The following DLGAP1 variants were observed in gnomAD, a reference collection of about 807,000 sequenced individuals.
The protein encoded by DLGAP1 is DLG associated protein 1, also known as disks large-associated protein 1.
A neutral mutation model predicts 90.8 loss-of-function variants in DLGAP1; 11 were observed. That is an observed-to-expected ratio of 0.12 (90% CI 0.08 to 0.20). The LOEUF (loss-of-function observed/expected upper bound fraction) is 0.20, where lower values mean the gene tolerates loss of function less well. DLGAP1 is among the 10% of genes least tolerant of loss of function. DLGAP1 has a pLI of 1.00. For synonymous variants in DLGAP1, 558 were observed against 540.7 expected, an observed-to-expected ratio of 1.03 and a Z score of -0.44; for missense variants, 1,050 against 1,333.8, an observed-to-expected ratio of 0.79 and a Z score of 3.31.
intron 1 of DLGAP1, among the ~76,000 whole-genome samples, chr18:4,269,439 T>C (rs34775892): frequency 0.073 from 11,087 of 151,162 alleles, 598 homozygotes; most frequent in Non-Finnish European, 0.12. Flanking sequence ...CTGCAAGCTC[T>C]GCCTGCCGGG....
At chr18:4,250,002 C>G (rs56806038) in intron 1 of DLGAP1, among the ~76,000 whole-genome samples, 3,182 of 152,288 alleles carry the variant, frequency 0.021, 104 homozygotes, top group African/African-American at 0.072. Flanking sequence ...TTCAGCCATG[C>G]ATCTTTGGGT....
intron 1 of DLGAP1, among the ~76,000 whole-genome samples, chr18:4,254,968 T>C (rs1041523764): frequency 6.6e-6 from 1 of 152,202 alleles, no homozygotes; most frequent in African/African-American, 2.4e-5. Context: ...GAAGACACGC[T>C]GAGCCTTGAA....
chr18:3,525,227 A>T (rs2051539956), intron 10 of DLGAP1, among the ~76,000 whole-genome samples: 1 of 152,184 alleles, frequency 6.6e-6, no homozygotes. Context: ...TCTTTGGATC[A>T]ATATCTTGAC....
chr18:3,808,666 G>A (rs1002652467), intron 5 of DLGAP1, among the ~76,000 whole-genome samples: 1 of 152,086 alleles, frequency 6.6e-6, no homozygotes, highest in Non-Finnish European at 1.5e-5. Flanking sequence ...AAAAAATAGC[G>A]ATGCTCCAAT....
chr18:3,679,945 C>G (rs2060452343), intron 7 of DLGAP1: 1 of 151,730 alleles, frequency 6.6e-6, no homozygotes, highest in South Asian at 2.1e-4. Flanking sequence ...TTCAGCCTCC[C>G]AAAGTGTTGG....
chr18:4,439,638 T>G (rs778677130), intron 1 of DLGAP1, among the ~76,000 whole-genome samples: 1 of 151,778 alleles, frequency 6.6e-6, no homozygotes, highest in African/African-American at 2.4e-5. Context: ...TGACCTTGTC[T>G]CCACAAAAAA....
intron 1 of DLGAP1, among the ~76,000 whole-genome samples, chr18:4,310,683 T>A (rs2080377207): frequency 6.6e-6 from 1 of 152,206 alleles, no homozygotes; most frequent in Non-Finnish European, 1.5e-5. Context: ...TGTGTTTAGT[T>A]GTCTGGCATA....
At chr18:3,682,842 G>T (rs1340365775) in intron 7 of DLGAP1, among the ~76,000 whole-genome samples, 1 of 151,592 alleles carries the variant, frequency 6.6e-6, no homozygotes, top group Non-Finnish European at 1.5e-5. Context: ...AGTATCCAAA[G>T]CTTGTTTTCT....
chr18:4,005,916 G>C (rs973087352), intron 2 of DLGAP1, among the ~76,000 whole-genome samples: 2 of 152,134 alleles, frequency 1.3e-5, no homozygotes, highest in Middle Eastern at 3.2e-3. Context: ...TAGAGGGCTT[G>C]GTTCATATGT....
chr18:3,874,758 T>G, intron 4 of DLGAP1: 1 of 1,462,260 alleles, frequency 6.8e-7, no homozygotes, highest in East Asian at 2.5e-5. Context: ...GTACAATAGT[T>G]CTAAACAGCA....
At chr18:3,646,792 G>A (rs2059133313) in intron 7 of DLGAP1, among the ~76,000 whole-genome samples, 1 of 152,128 alleles carries the variant, frequency 6.6e-6, no homozygotes, top group East Asian at 1.9e-4. Context: ...GGGCGTGGTG[G>A]TGGGCGCCTG....
At chr18:4,276,528 TG>T (rs2079419652) in intron 1 of DLGAP1, among the ~76,000 whole-genome samples, 1 of 151,798 alleles carries the variant, frequency 6.6e-6, no homozygotes, top group African/African-American at 2.4e-5. Flanking sequence ...CCCAGCTACT[TG>T]GGAGGCTGAG....
At chr18:3,870,024 C>T (rs1375767811) in intron 4 of DLGAP1, among the ~76,000 whole-genome samples, 4 of 152,252 alleles carry the variant, frequency 2.6e-5, no homozygotes, top group East Asian at 1.9e-4. Flanking sequence ...GCAGTCAGAG[C>T]GCCTGAATCC....
intron 2 of DLGAP1, among the ~76,000 whole-genome samples, chr18:4,089,506 C>T (rs1027156141): frequency 6.6e-6 from 1 of 151,582 alleles, no homozygotes; most frequent in East Asian, 1.9e-4. Context: ...CAATCCTAAG[C>T]AAAAAAAACA....
chr18:4,101,821 T>G (rs1013114923), intron 2 of DLGAP1, among the ~76,000 whole-genome samples: 7 of 151,882 alleles, frequency 4.6e-5, no homozygotes, highest in African/African-American at 1.7e-4. Flanking sequence ...TATAGATCTG[T>G]AACTGCCTAT....
At chr18:4,063,683 G>A (rs886499312) in intron 2 of DLGAP1, among the ~76,000 whole-genome samples, 1 of 151,920 alleles carries the variant, frequency 6.6e-6, no homozygotes, top group Non-Finnish European at 1.5e-5. Context: ...TCTCACTAAG[G>A]GAGCCTTCAT....
intron 7 of DLGAP1, among the ~76,000 whole-genome samples, chr18:3,646,879 C>G (rs1466597232): frequency 2.0e-5 from 3 of 151,736 alleles, no homozygotes; most frequent in African/African-American, 7.3e-5. Context: ...GAGCCAAGAT[C>G]GAACTACTGC....
intron 1 of DLGAP1, among the ~76,000 whole-genome samples, chr18:4,198,794 G>T (rs2077551810): frequency 6.6e-6 from 1 of 152,160 alleles, no homozygotes; most frequent in Non-Finnish European, 1.5e-5. Context: ...ATTACATTCT[G>T]CAGTTTTTGG....
intron 10 of DLGAP1, among the ~76,000 whole-genome samples, chr18:3,527,100 T>C (rs1253926010): frequency 2.0e-5 from 3 of 152,200 alleles, no homozygotes; most frequent in Non-Finnish European, 4.4e-5. Flanking sequence ...AAAGAATGTA[T>C]AGTTACACTG....
Sources: allele counts gnomAD v4.1 joint callset (sites outside exome capture counted in the v4.1 genomes callset), GRCh38; gene constraint gnomAD v4.1.1; transcripts MANE v1.5; gene names NCBI Gene and HGNC (gene_info 2026-07-23, HGNC 2026-07-21).